LPA: variants seen among roughly 807,000 people sequenced by gnomAD.
LPA encodes the protein lipoprotein(a).
Under a neutral mutation model 197.9 loss-of-function variants are expected in LPA, and 199 were observed. The observed-to-expected ratio is 1.01, with a 90% CI of 0.90 to 1.13. LPA has a LOEUF of 1.13. Among genes scored for constraint, LPA ranks in the 50% most tolerant of loss-of-function variants. The pLI is 0.00. For synonymous variants in LPA, 715 were observed against 639.5 expected, an observed-to-expected ratio of 1.12 and a Z score of -1.78; for missense variants, 1,853 against 1,785.8, an observed-to-expected ratio of 1.04 and a Z score of -0.68.
In LPA at chr6:160,587,785, G is replaced by C. The variant is rs1328526731; in HGVS notation, c.3948-1155C>G. On this transcript the variant is annotated intron_variant, in intron 24 of 38. Coordinates refer to ENST00000316300, the MANE Select transcript of LPA (RefSeq NM_005577.4). ...TGTGTGTGTGTGTGTGTGTGTGTGT[G>C]TGTGTGTGTGTGTGTTTCTGTCTGT... Among the ~76,000 whole-genome samples the C allele has an allele frequency of 1.3e-3, 164 of 121,988 alleles. 4 individuals are homozygous for C. The East Asian group carries it at 0.034, about 25-fold the overall frequency. The allele number at this position is 121,988 out of a possible 152,430, so 80.0% of individuals were successfully genotyped here. A position where few individuals can be genotyped will look rare whatever the true frequency, so the allele number is the denominator to read the frequency against.
chr6:160,648,944 G>A (rs1001077146), intron 2 of LPA, among the ~76,000 whole-genome samples: 1 of 152,102 alleles, frequency 6.6e-6, no homozygotes, highest in African/African-American at 2.4e-5. Flanking sequence ...CACACTAAAA[G>A]GTTTCTATGT....
intron 2 of LPA, among the ~76,000 whole-genome samples, chr6:160,649,738 C>T (rs1417304731): frequency 6.6e-6 from 1 of 152,128 alleles, no homozygotes; most frequent in Admixed American, 6.6e-5. Context: ...TGGTCAGACC[C>T]CAGCTTCTGT....
rs548194250 is a variant in LPA at position 160,597,640 on chromosome 6, CTT to C, written c.3287+1858_3287+1859del. ...AATAGTCCTTTAATTTGATTTGACT[CTT>C]TTATCCTTTTACTTTCCCTTGATAT... On this transcript the variant is annotated intron_variant, in intron 20 of 38. Coordinates refer to ENST00000316300, the MANE Select transcript of LPA (RefSeq NM_005577.4). Among the ~76,000 whole-genome samples the C allele has an allele frequency of 1.0e-3, 155 of 152,272 alleles. 1 individual carries two copies. The highest frequency in any genetic ancestry group is 3.5e-3 in the African/African-American group (146 of 41,566).
At chr6:160,532,355 C>T (rs1174910835) in intron 38 of LPA, among the ~76,000 whole-genome samples, 176 bp downstream of exon 38, 3 of 152,104 alleles carry the variant, frequency 2.0e-5, no homozygotes, top group Non-Finnish European at 1.5e-5. Flanking sequence ...CAAGACGTCT[C>T]CTTAGATGAT....
At position 160,579,305 on chromosome 6, in the gene LPA, G is replaced by A. The variant is rs369503829; in HGVS notation, c.4290-601C>T. Among the ~76,000 whole-genome samples the A allele has an allele frequency of 3.3e-5, 5 of 152,136 alleles. No individual in the cohort carries two copies. In the East Asian group the frequency reaches 7.7e-4, roughly 23 times the overall value. Reference sequence around the variant, plus strand: ...ATTACTATAAATACTGTATCTGGTAGAGCAAGTGGGTTTGGGTCTACAGGA... The same window carrying A: ...ATTACTATAAATACTGTATCTGGTAAAGCAAGTGGGTTTGGGTCTACAGGA... On this transcript the variant is annotated intron_variant, in intron 26 of 38. Transcript: ENST00000316300.
At chr6:160,584,908 T>A in intron 26 of LPA, 138 bp downstream of exon 26, 1 of 873,392 alleles carries the variant, frequency 1.1e-6, no homozygotes, top group East Asian at 2.4e-5. Context: ...TGCTCAAAAG[T>A]AAGTTTCCTG....
At position 160,586,300 on chromosome 6, in the gene LPA, G is replaced by T. The variant is rs189142182; in HGVS notation, c.4129+149C>A. On this transcript the variant is annotated intron_variant, in intron 25 of 38. Transcript: ENST00000316300. The stretch of plus-strand genomic sequence containing the variant: ...ACATCCCAGCTCTGGTCCCCCCAGA[G>T]AAGGCACTGAAGCTTCCTTCCCATT... 7.6e-4 allele frequency: 673 copies of T among 880,770 alleles called. 1 individual carries two copies. In the African/African-American group the frequency reaches 8.9e-3, roughly 12 times the overall value. The allele number at this position is 880,770 out of a possible 1,614,324, so 54.6% of individuals were successfully genotyped here.
At chr6:160,602,671 G>A (rs1229190197) in intron 18 of LPA, among the ~76,000 whole-genome samples, 2 of 152,204 alleles carry the variant, frequency 1.3e-5, no homozygotes, top group Non-Finnish European at 2.9e-5. Context: ...ACACAAGCCT[G>A]CTGATTCCAA....
intron 22 of LPA, 61 bp downstream of exon 22, chr6:160,593,897 C>G: frequency 6.3e-7 from 1 of 1,586,304 alleles, no homozygotes; most frequent in Non-Finnish European, 8.6e-7. Flanking sequence ...GGAAGCATGG[C>G]CCTTCCAAGA....
Position 160,663,399 on chromosome 6 carries a change from A to G in LPA, c.49+767T>C, listed in dbSNP as rs74734070. On this transcript the variant is annotated intron_variant, in intron 1 of 38. Coordinates refer to ENST00000316300, the MANE Select transcript of LPA (RefSeq NM_005577.4). ...GGAATTTGGTCACGAGACAAATAACATGATTTTCCTAAGTCTAGATTTCTT... is the reference window on the plus strand; with the variant it reads ...GGAATTTGGTCACGAGACAAATAACGTGATTTTCCTAAGTCTAGATTTCTT... 5.6e-4 allele frequency among the ~76,000 whole-genome samples: 85 copies of G among 152,320 alleles called. No homozygotes were observed. The East Asian group carries it at 0.012, about 21-fold the overall frequency.
intron 30 of LPA, among the ~76,000 whole-genome samples, chr6:160,553,954 T>TGTGTGTGTGCGCGCGCGCGC (rs771903485): frequency 2.5e-3 from 331 of 130,720 alleles, no homozygotes; most frequent in African/African-American, 9.5e-3. Context: ...TGTGTGTGTG[T>TGTGTGTGTGCGCGCGCGCGC]GCGCGCGCGC....
chr6:160,553,388 G>GT (rs1189569345), intron 30 of LPA, among the ~76,000 whole-genome samples: 2 of 151,812 alleles, frequency 1.3e-5, no homozygotes, highest in South Asian at 2.1e-4. Context: ...ACATTCTTTT[G>GT]TTTTTTTGCT....
intron 21 of LPA, among the ~76,000 whole-genome samples, chr6:160,594,775 A>T (rs1013000243): frequency 2.0e-5 from 3 of 152,178 alleles, no homozygotes; most frequent in African/African-American, 7.2e-5. Flanking sequence ...GGGCAAGAAC[A>T]CTGAGAGATC....
Position 160,556,145 on chromosome 6 carries a change from T to G in LPA, c.4853A>C (p.His1618Pro). The G allele has an allele frequency of 6.2e-7, 1 of 1,614,010 alleles. No homozygotes were observed. The highest frequency in any genetic ancestry group is 1.7e-5 in the Admixed American group (1 of 60,006). Residue 1618 changes from histidine to proline, a missense_variant, in exon 30 of 39, where the codon CAT becomes CCT. Physicochemically the swap from His to Pro is moderately conservative, Grantham distance 77 (BLOSUM62 -2). Around this residue, in one of 3 missense-constraint regions of LPA, gnomAD observed 1,737 missense variants for 1,504.4 expected, o/e 1.15. Coordinates refer to ENST00000316300, the MANE Select transcript of LPA (RefSeq NM_005577.4). Reference sequence around the variant, plus strand: ...GCCTCGATAACTCTGGCCATTACCATGGTAGCACTGCCGGACCACAGGGGT... The same window carrying G: ...GCCTCGATAACTCTGGCCATTACCAGGGTAGCACTGCCGGACCACAGGGGT... ...EQTPVVRQCY[H>P]GNGQSYRGTF...
In LPA at chr6:160,533,863, T is replaced by C. The variant is rs113514170; in HGVS notation, c.5843-1214A>G. Among the ~76,000 whole-genome samples, 1,161 of 152,330 alleles carry C rather than the reference T, an allele frequency of 7.6e-3. 15 individuals are homozygous for C. The highest frequency in any genetic ancestry group is 0.027 in the African/African-American group (1,118 of 41,576). ...AAACTGCTTAATTTCCTTCGCCAAA[T>C]TGAAACAGAACCTCTGCTAAAGTGC... On this transcript the variant is annotated intron_variant, in intron 37 of 38. Transcript: ENST00000316300.
At position 160,541,137 on chromosome 6, in the gene LPA, C is replaced by A. The variant is rs1777975082; in HGVS notation, c.5564G>T (p.Trp1855Leu). 6.2e-6 allele frequency: 10 copies of A among 1,614,004 alleles called. No homozygotes were observed. Among genetic ancestry groups the A allele is most frequent in the Non-Finnish European group, 8.5e-6 (10 of 1,180,008 alleles). The change falls in exon 35 of 39, where the codon TGG (tryptophan) becomes TTG (leucine). Residue 1855 changes from tryptophan to leucine, a missense_variant. Trp to Leu is a moderately conservative substitution (Grantham distance 61). Transcript: ENST00000316300. Reference sequence around the variant, plus strand: ...CAAGCAGTGAGCAGCAGTCAGCACCCACTCTGGGGATATTAAGGTGCCTCC... The same window carrying A: ...CAAGCAGTGAGCAGCAGTCAGCACCAACTCTGGGGATATTAAGGTGCCTCC... ...FCGGTLISPEWVLTAAHCLKK... is the reference protein window; with the variant it reads ...FCGGTLISPELVLTAAHCLKK...
chr6:160,602,589 G>A (rs1413463134), intron 18 of LPA, among the ~76,000 whole-genome samples: 7 of 152,158 alleles, frequency 4.6e-5, no homozygotes, highest in Non-Finnish European at 8.8e-5. Flanking sequence ...TCTTCATTAC[G>A]TGGGCTGCAG....
At chr6:160,545,061 C>A (rs1400545793) in intron 33 of LPA, among the ~76,000 whole-genome samples, 1 of 150,368 alleles carries the variant, frequency 6.7e-6, no homozygotes, top group Non-Finnish European at 1.5e-5. Context: ...TTTTTTTTTT[C>A]TTCTCAGCTG....
intron 17 of LPA, among the ~76,000 whole-genome samples, chr6:160,605,725 C>A (rs1481052141): frequency 6.6e-6 from 1 of 152,158 alleles, no homozygotes; most frequent in Non-Finnish European, 1.5e-5. Flanking sequence ...AACAGTCCTT[C>A]GTCTAGGACT....
Sources: allele counts gnomAD v4.1 joint callset (sites outside exome capture counted in the v4.1 genomes callset), GRCh38; gene constraint gnomAD v4.1.1; regional missense constraint gnomAD v4.1.1; transcripts MANE v1.5; gene names NCBI Gene and HGNC (gene_info 2026-07-23, HGNC 2026-07-21).